EPHB3: variants seen among roughly 807,000 people sequenced by gnomAD.
EPHB3 encodes ephrin type-B receptor 3.
Under a neutral mutation model 100.2 loss-of-function variants are expected in EPHB3, and 33 were observed. The observed-to-expected ratio is 0.33, with a 90% confidence interval of 0.25 to 0.44. The LOEUF (loss-of-function observed/expected upper bound fraction) is 0.44, where lower values mean the gene tolerates loss of function less well. Among genes scored for constraint, EPHB3 ranks in the 20% least tolerant of loss-of-function variants. The probability of loss-of-function intolerance (pLI) is 1.00; values close to 1 mark genes in which losing one functional copy is unlikely to be tolerated. For missense variants in EPHB3, 1,045 were observed against 1,378.3 expected (o/e 0.76, Z 3.83); for synonymous variants, 526 against 554.7 (o/e 0.95, Z 0.73).
In EPHB3 at chr3:184,569,650, C is replaced by G. The variant is rs910389830; in HGVS notation, c.119-1668C>G. 4.6e-5 allele frequency among the ~76,000 whole-genome samples: 7 copies of G among 152,282 alleles called. No homozygotes were observed. Among genetic ancestry groups the G allele is most frequent in the African/African-American group, 1.7e-4 (7 of 41,478 alleles). On this transcript the variant is annotated intron_variant, in intron 1 of 15. Coordinates refer to ENST00000330394, the MANE Select transcript of EPHB3 (RefSeq NM_004443.4). This position sits in a 1 kb window ranked among gnomAD's most constrained non-coding sequence, Gnocchi z 5.4. ...GGCTGCGGCAGCGGGAGGAGCCTCC[C>G]TCCCTGCAGTGAATGGCTGCTGCCT...
chr3:184,581,316 T>C lies in EPHB3; in HGVS notation c.2796T>C (p.Asp932=), dbSNP rs1289446226. 5.6e-6 allele frequency: 9 copies of C among 1,610,084 alleles called. No individual in the cohort carries two copies. The highest frequency in any genetic ancestry group is 6.8e-6 in the Non-Finnish European group (8 of 1,177,754). ...PDYTTFTTVG[D]WLDAIKMGRY... Reference sequence around the variant, plus strand: ...ACACAACCTTCACGACAGTTGGTGATTGGCTGGATGCCATCAAGATGGGGC... The same window carrying C: ...ACACAACCTTCACGACAGTTGGTGACTGGCTGGATGCCATCAAGATGGGGC... Residue 932 remains aspartate, a synonymous_variant, in exon 15 of 16, where the codon GAT becomes GAC. Transcript: ENST00000330394.
chr3:184,565,618 G>A lies in EPHB3; in HGVS notation c.118+3265G>A, dbSNP rs185110577. Among the ~76,000 whole-genome samples, 358 of 152,302 alleles carry A rather than the reference G, an allele frequency of 2.4e-3. No homozygotes were observed. Among genetic ancestry groups the A allele is most frequent in the Non-Finnish European group, 2.9e-3 (200 of 68,018 alleles). On this transcript the variant is annotated intron_variant, in intron 1 of 15. Transcript: ENST00000330394. The surrounding 1 kb of genome is among the most constrained non-coding windows in gnomAD (Gnocchi z 4.8). Reference sequence around the variant, plus strand: ...CATAGAGCCCACCTCCTTCACAGGGGCAGCAGGAGTGACCCCTGAGAACAC... The same window carrying A: ...CATAGAGCCCACCTCCTTCACAGGGACAGCAGGAGTGACCCCTGAGAACAC...
At position 184,581,532 on chromosome 3, in the gene EPHB3, G is replaced by A; in HGVS notation, c.2907G>A (p.Gly969=). 6.2e-7 allele frequency: 1 copy of A among 1,613,794 alleles called. No homozygotes were observed. Among genetic ancestry groups the A allele is most frequent in the South Asian group, 1.1e-5 (1 of 91,046 alleles). The change falls in exon 16 of 16, where the codon GGG becomes GGA. Residue 969 remains glycine (G), a synonymous_variant. Coordinates refer to ENST00000330394, the MANE Select transcript of EPHB3 (RefSeq NM_004443.4). ...CCTGCAGAGACCTGCTCCGTATTGG[G>A]GTCACCCTGGCCGGCCACCAGAAGA... ...QMTAEDLLRI[G]VTLAGHQKKI... is the part of the protein sequence containing the mutation.
chr3:184,577,404 C>G lies in EPHB3; in HGVS notation c.1416C>G (p.Ser472=), dbSNP rs758659427. ...HSSSGSSLTL[S]WAPPERPNGV... ...GCTCAGGCAGCAGCCTCACCCTATC[C>G]TGGGCACCCCCAGAGCGGCCCAACG... The change falls in exon 6 of 16, where the codon TCC becomes TCG. Residue 472 remains serine (S), a synonymous_variant. Transcript: ENST00000330394. This position sits in a 1 kb window ranked among gnomAD's most constrained non-coding sequence, Gnocchi z 4.9. The G allele has an allele frequency of 6.2e-7, 1 of 1,614,048 alleles. No individual in the cohort carries two copies. The highest frequency in any genetic ancestry group is 1.1e-5 in the South Asian group (1 of 91,076).
At position 184,562,967 on chromosome 3, in the gene EPHB3, G is replaced by A. The variant is rs1002216519; in HGVS notation, c.118+614G>A. Reference sequence around the variant, plus strand: ...GTGGAGGCTCCCTCTCCGCCTGCTAGAGCAGGGCTTGGGTCTCCATTTGAA... The same window carrying A: ...GTGGAGGCTCCCTCTCCGCCTGCTAAAGCAGGGCTTGGGTCTCCATTTGAA... On this transcript the variant is annotated intron_variant, in intron 1 of 15. Coordinates refer to ENST00000330394, the MANE Select transcript of EPHB3 (RefSeq NM_004443.4). The surrounding 1 kb of genome is among the most constrained non-coding windows in gnomAD (Gnocchi z 4.8). Among the ~76,000 whole-genome samples, 2 of 152,234 alleles carry A rather than the reference G, an allele frequency of 1.3e-5. No homozygotes were observed. The highest frequency in any genetic ancestry group is 2.9e-5 in the Non-Finnish European group (2 of 68,046).
chr3:184,580,098 CACAT>C (rs1714782848), intron 11 of EPHB3, among the ~76,000 whole-genome samples, 164 bp downstream of exon 11: 1 of 152,178 alleles, frequency 6.6e-6, no homozygotes, highest in African/African-American at 2.4e-5. Flanking sequence ...TATGGGAGTT[CACAT>C]CTTGACTGTT....
At position 184,581,969 on chromosome 3, in the gene EPHB3, T is replaced by G; in HGVS notation, c.*347T>G. 1 of 208,620 alleles carries G rather than the reference T, an allele frequency of 4.8e-6. No homozygotes were observed. The highest frequency in any genetic ancestry group is 9.6e-6 in the Non-Finnish European group (1 of 104,600). The allele number at this position is 208,620 out of a possible 1,614,324, so 12.9% of individuals were successfully genotyped here. ...AGGGTCAGGCTGGGGTAAGCCGGGG[T>G]TCCACAGGGCCCAGCCCTGGCAGGG... On this transcript the variant is annotated 3_prime_UTR_variant, in exon 16 of 16. Coordinates refer to ENST00000330394, the MANE Select transcript of EPHB3 (RefSeq NM_004443.4).
rs1182474348 is a variant in EPHB3, at chr3:184,577,915, C to T, written c.1657C>T (p.Leu553Phe). The stretch of plus-strand genomic sequence containing the variant: ...ATCTCCAGGCTCTGGGGCCCAGCAG[C>T]TCCAGGAGCAGCTTCCCCTCATCGT... ...TSERGSGAQQ[L>F]QEQLPLIVGS... Residue 553 changes from leucine (L) to phenylalanine (F), a missense_variant, in exon 8 of 16, where the codon CTC becomes TTC. Leu to Phe is a conservative substitution (Grantham distance 22, BLOSUM62 0). Coordinates refer to ENST00000330394, the MANE Select transcript of EPHB3 (RefSeq NM_004443.4). This position sits in a 1 kb window ranked among gnomAD's most constrained non-coding sequence, Gnocchi z 4.9. The T allele has an allele frequency of 6.2e-7, 1 of 1,613,826 alleles. No homozygotes were observed. The highest frequency in any genetic ancestry group is 1.3e-5 in the African/African-American group (1 of 74,904).
In EPHB3 at chr3:184,571,505, A is replaced by G; in HGVS notation, c.183+123A>G. On this transcript the variant is annotated intron_variant, in intron 2 of 15. Coordinates refer to ENST00000330394, the MANE Select transcript of EPHB3 (RefSeq NM_004443.4). This position sits in a 1 kb window ranked among gnomAD's most constrained non-coding sequence, Gnocchi z 5.0. The stretch of plus-strand genomic sequence containing the variant: ...GGGCTGCCTCTGCCCTCTGCCTGTC[A>G]CCCTCACTTCCTGTGCCATCCCCAT... The G allele has an allele frequency of 1.0e-6, 1 of 965,212 alleles. No homozygotes were observed. Among genetic ancestry groups the G allele is most frequent in the Non-Finnish European group, 1.6e-6 (1 of 620,194 alleles). The allele number at this position is 965,212 out of a possible 1,614,324, so 59.8% of individuals were successfully genotyped here.
At chr3:184,568,546 G>A (rs1387869516) in intron 1 of EPHB3, among the ~76,000 whole-genome samples, 1 of 152,166 alleles carries the variant, frequency 6.6e-6, no homozygotes, top group Non-Finnish European at 1.5e-5. Context: ...CAGAAAAGGT[G>A]GGCTGGGTCT....
rs945135431 is a variant in EPHB3, at chr3:184,581,502, C to T, written c.2889-12C>T. On this transcript the variant is annotated splice_polypyrimidine_tract_variant and intron_variant, in intron 15 of 15. Transcript: ENST00000330394. ...AGGAAAGGGACTGATCCTAATTTGG[C>T]TCCACCTGCAGAGACCTGCTCCGTA... 25 of 1,609,840 alleles carry T rather than the reference C, an allele frequency of 1.6e-5. No individual in the cohort carries two copies. The highest frequency in any genetic ancestry group is 2.1e-5 in the Non-Finnish European group (25 of 1,178,070).
intron 3 of EPHB3, among the ~76,000 whole-genome samples, chr3:184,574,538 C>T (rs1714626120): frequency 6.6e-6 from 1 of 152,228 alleles, no homozygotes; most frequent in Non-Finnish European, 1.5e-5. Context: ...CGATTCTCTT[C>T]CTTGGGGCTT....
In EPHB3 at chr3:184,579,388, G is replaced by A; in HGVS notation, c.1802-89G>A. On this transcript the variant is annotated intron_variant, in intron 9 of 15. Coordinates refer to ENST00000330394, the MANE Select transcript of EPHB3 (RefSeq NM_004443.4). The surrounding 1 kb of genome is among the most constrained non-coding windows in gnomAD (Gnocchi z 5.2). ...GCAACACAGAGGAATATGGGGCTGGGCTCAGCAGGGAGCCTGCTGGAGCTG... is the reference window on the plus strand; with the variant it reads ...GCAACACAGAGGAATATGGGGCTGGACTCAGCAGGGAGCCTGCTGGAGCTG... 6.4e-7 allele frequency: 1 copy of A among 1,558,916 alleles called. No homozygotes were observed. Among genetic ancestry groups the A allele is most frequent in the Non-Finnish European group, 8.7e-7 (1 of 1,146,096 alleles).
chr3:184,576,813 A>G, intron 4 of EPHB3, 29 bp from the exon 5 acceptor site: 2 of 1,518,892 alleles, frequency 1.3e-6, no homozygotes, highest in Non-Finnish European at 1.8e-6. Flanking sequence ...CCCCCAGCTC[A>G]CTACCTTCTC....
rs1714743563 is a variant in EPHB3, at chr3:184,578,584, A to T, written c.1801+118A>T. Reference sequence around the variant, plus strand: ...AGATAAACCCTGAATGCCCCCTCCCACTTCCAGTCAAGTGGCATTTCCTGA... The same window carrying T: ...AGATAAACCCTGAATGCCCCCTCCCTCTTCCAGTCAAGTGGCATTTCCTGA... On this transcript the variant is annotated intron_variant, in intron 9 of 15. Coordinates refer to ENST00000330394, the MANE Select transcript of EPHB3 (RefSeq NM_004443.4). The surrounding 1 kb of genome is among the most constrained non-coding windows in gnomAD (Gnocchi z 4.7). 2 of 1,327,728 alleles carry T rather than the reference A, an allele frequency of 1.5e-6. No homozygotes were observed. Among genetic ancestry groups the T allele is most frequent in the East Asian group, 5.0e-5 (2 of 40,136 alleles). The allele number at this position is 1,327,728 out of a possible 1,614,324, so 82.2% of individuals were successfully genotyped here.
At chr3:184,574,226 T>A (rs1714617772) in intron 3 of EPHB3, among the ~76,000 whole-genome samples, 1 of 152,224 alleles carries the variant, frequency 6.6e-6, no homozygotes, top group Admixed American at 6.5e-5. Context: ...TGGGCTGTTC[T>A]GCCCTTATTG....
chr3:184,577,295 G>A lies in EPHB3; in HGVS notation c.1355-48G>A, dbSNP rs775972044. On this transcript the variant is annotated intron_variant, in intron 5 of 15. Coordinates refer to ENST00000330394, the MANE Select transcript of EPHB3 (RefSeq NM_004443.4). This position sits in a 1 kb window ranked among gnomAD's most constrained non-coding sequence, Gnocchi z 4.9. ...CCCATGGGAAGTGGGTCTTTGGGAAGGATGCCAGGGTCCAGGGAGCCCCTG... is the reference window on the plus strand; with the variant it reads ...CCCATGGGAAGTGGGTCTTTGGGAAAGATGCCAGGGTCCAGGGAGCCCCTG... 3.8e-6 allele frequency: 6 copies of A among 1,598,618 alleles called. No homozygotes were observed. In the African/African-American group the frequency reaches 4.0e-5, roughly 11 times the overall value.
intron 1 of EPHB3, among the ~76,000 whole-genome samples, chr3:184,570,948 CTTTCTTTCTTTTTTTTTT>C (rs1714522322): frequency 6.8e-6 from 1 of 146,962 alleles, no homozygotes; most frequent in African/African-American, 2.5e-5. Context: ...GCCATCTCTT[CTTTCTTTCTTTTTTTTTT>C]TTTTTTAGAC....
chr3:184,564,952 T>C (rs1274549699), intron 1 of EPHB3, among the ~76,000 whole-genome samples: 1 of 152,150 alleles, frequency 6.6e-6, no homozygotes, highest in East Asian at 1.9e-4. Context: ...TGGTCTGCCC[T>C]TGGCCTTGTG....
Sources: allele counts gnomAD v4.1 joint callset (sites outside exome capture counted in the v4.1 genomes callset), GRCh38; gene constraint gnomAD v4.1.1; non-coding constraint Gnocchi (gnomAD v3.1); transcripts MANE v1.5; gene names NCBI Gene and HGNC (gene_info 2026-07-23, HGNC 2026-07-21).